The following HSBP1 variants were observed in gnomAD, a reference collection of about 807,000 sequenced individuals.
The protein encoded by HSBP1 is heat shock factor binding protein 1.
A neutral mutation model predicts 9.6 loss-of-function variants in HSBP1; 5 were observed. That is an observed-to-expected ratio of 0.52 (90% confidence interval 0.27 to 1.09). The LOEUF (loss-of-function observed/expected upper bound fraction) is 1.09. HSBP1 is among the 50% of genes least tolerant of loss of function. The pLI is 0.11. For synonymous variants in HSBP1, 42 were observed against 33.3 expected (o/e 1.26, Z -0.90); for missense variants, 121 against 96.3 (o/e 1.26, Z -1.07).
chr16:83,808,989 T>C (rs1904532170), intron 2 of HSBP1: 1 of 558,414 alleles, frequency 1.8e-6, no homozygotes, highest in Non-Finnish European at 3.2e-6. Context: ...GACCATGCAC[T>C]GTGAACTAAG....
Position 83,816,404 on chromosome 16 carries a change from A to C in HSBP1, c.*4986A>C, listed in dbSNP as rs767581842. 6.6e-6 allele frequency: 1 copy of C among 152,162 alleles called. No homozygotes were observed. The highest frequency in any genetic ancestry group is 2.4e-5 in the African/African-American group (1 of 41,422). 9.4% of individuals were successfully genotyped at this position (152,162 alleles called of 1,614,324 possible). A position where few individuals can be genotyped will look rare whatever the true frequency, so the allele number is the denominator to read the frequency against. The stretch of plus-strand genomic sequence containing the variant: ...AACAGAGCGAGACTCCATCTCAAAA[A>C]ATAAAAAACAAAAAAATAAATAAAA... On this transcript the variant is annotated 3_prime_UTR_variant, in exon 4 of 4. Coordinates refer to ENST00000433866, the MANE Select transcript of HSBP1 (RefSeq NM_001537.4).
Position 83,817,000 on chromosome 16 carries a change from G to A in HSBP1, c.*5582G>A, listed in dbSNP as rs1904735782. 6.6e-6 allele frequency: 1 copy of A among 151,874 alleles called. No individual in the cohort carries two copies. The highest frequency in any genetic ancestry group is 1.9e-4 in the East Asian group (1 of 5,202). 9.4% of individuals were successfully genotyped at this position (151,874 alleles called of 1,614,324 possible). ...GGAGATGGTTAAATCGGAATTAGCT[G>A]ACTGTCAACCTTGGTGGCACATTAG... On this transcript the variant is annotated 3_prime_UTR_variant, in exon 4 of 4. Coordinates refer to ENST00000433866, the MANE Select transcript of HSBP1 (RefSeq NM_001537.4).
At position 83,808,704 on chromosome 16, in the gene HSBP1, C is replaced by T. The variant is rs1290708895; in HGVS notation, c.70C>T (p.Gln24Ter). The T allele has an allele frequency of 8.7e-6, 14 of 1,612,636 alleles. No individual in the cohort carries two copies. In the Admixed American group the frequency reaches 2.2e-4, roughly 25 times the overall value. The change falls in exon 2 of 4, where the codon CAA becomes TAA. Residue 24 changes from glutamine to a stop codon, truncating the protein, a stop_gained. Coordinates refer to ENST00000433866, the MANE Select transcript of HSBP1 (RefSeq NM_001537.4). LOFTEE classifies it high-confidence loss of function. ...GGTGCAGACACTCCTGCAGCAGATGCAAGATAAATTTCAGACCATGTCTGA... is the reference window on the plus strand; with the variant it reads ...GGTGCAGACACTCCTGCAGCAGATGTAAGATAAATTTCAGACCATGTCTGA... ...SVVQTLLQQM[Q>*]DKFQTMSDQI...
In HSBP1 at chr16:83,816,052, T is replaced by A. The variant is rs1476226542; in HGVS notation, c.*4634T>A. Reference sequence around the variant, plus strand: ...ATGTATTATTTCACATGGCAAGAAGTCCCAAGGGAGGGCAGCTCTGGGGCG... The same window carrying A: ...ATGTATTATTTCACATGGCAAGAAGACCCAAGGGAGGGCAGCTCTGGGGCG... On this transcript the variant is annotated 3_prime_UTR_variant, in exon 4 of 4. Transcript: ENST00000433866. 6.6e-6 allele frequency: 1 copy of A among 152,106 alleles called. No individual in the cohort carries two copies. Among genetic ancestry groups the A allele is most frequent in the Non-Finnish European group, 1.5e-5 (1 of 68,018 alleles). The allele number at this position is 152,106 out of a possible 1,614,324, so 9.4% of individuals were successfully genotyped here.
At position 83,819,212 on chromosome 16, in the gene HSBP1, T is replaced by G. The variant is rs1304739115; in HGVS notation, c.*7794T>G. ...GCATGCAGGTCCCCAGGCCCCCTTTTTGTAGATCCTGATTCAGAATATCTG... is the reference window on the plus strand; with the variant it reads ...GCATGCAGGTCCCCAGGCCCCCTTTGTGTAGATCCTGATTCAGAATATCTG... On this transcript the variant is annotated 3_prime_UTR_variant, in exon 4 of 4. Coordinates refer to ENST00000433866, the MANE Select transcript of HSBP1 (RefSeq NM_001537.4). The G allele has an allele frequency of 6.6e-6, 1 of 152,116 alleles. No individual in the cohort carries two copies. Among genetic ancestry groups the G allele is most frequent in the Non-Finnish European group, 1.5e-5 (1 of 68,020 alleles). 9.4% of individuals were successfully genotyped at this position (152,116 alleles called of 1,614,324 possible).
Position 83,815,569 on chromosome 16 carries a change from T to A in HSBP1, c.*4151T>A, listed in dbSNP as rs1211847562. The A allele has an allele frequency of 6.6e-6, 1 of 150,794 alleles. No individual in the cohort carries two copies. The highest frequency in any genetic ancestry group is 6.6e-5 in the Admixed American group (1 of 15,172). The allele number at this position is 150,794 out of a possible 1,614,324, so 9.3% of individuals were successfully genotyped here. ...TGGTCCTCACACCTGAGGCTCTCAC[T>A]AAGAGGTGGCTGGAAGCTCCTCAGA... On this transcript the variant is annotated 3_prime_UTR_variant, in exon 4 of 4. Coordinates refer to ENST00000433866, the MANE Select transcript of HSBP1 (RefSeq NM_001537.4).
intron 3 of HSBP1, among the ~76,000 whole-genome samples, chr16:83,810,521 C>CAAAAAAAAAAAAAA (rs751338141): frequency 1.9e-5 from 1 of 51,610 alleles, no homozygotes; most frequent in Non-Finnish European, 3.2e-5. Context: ...GACTCTGTCT[C>CAAAAAAAAAAAAAA]AAAAAAAAAA....
In HSBP1 at chr16:83,818,195, C is replaced by T. The variant is rs930174422; in HGVS notation, c.*6777C>T. ...TCTGGAAGGTTGATTATATCAGATG[C>T]GCATTTTGCCAGCATCCTCAGAAGG... On this transcript the variant is annotated 3_prime_UTR_variant, in exon 4 of 4. Coordinates refer to ENST00000433866, the MANE Select transcript of HSBP1 (RefSeq NM_001537.4). 1.3e-5 allele frequency: 2 copies of T among 152,136 alleles called. No individual in the cohort carries two copies. The highest frequency in any genetic ancestry group is 2.9e-5 in the Non-Finnish European group (2 of 68,030). 9.4% of individuals were successfully genotyped at this position (152,136 alleles called of 1,614,324 possible). A position where few individuals can be genotyped will look rare whatever the true frequency, so the allele number is the denominator to read the frequency against.
chr16:83,808,033 A>T lies in HSBP1; in HGVS notation c.-44A>T. On this transcript the variant is annotated 5_prime_UTR_variant, in exon 1 of 4. Coordinates refer to ENST00000433866, the MANE Select transcript of HSBP1 (RefSeq NM_001537.4). ...CGACTGAGCGGACAAACGGAAGTGTAGGTTACGGTCTGAGACATCACCGCC... is the reference window on the plus strand; with the variant it reads ...CGACTGAGCGGACAAACGGAAGTGTTGGTTACGGTCTGAGACATCACCGCC... The T allele has an allele frequency of 6.7e-7, 1 of 1,491,468 alleles. No homozygotes were observed. The highest frequency in any genetic ancestry group is 2.8e-5 in the East Asian group (1 of 36,036). 92.4% of individuals were successfully genotyped at this position (1,491,468 alleles called of 1,614,324 possible).
In HSBP1 at chr16:83,812,970, A is replaced by T. The variant is rs550613491; in HGVS notation, c.*1552A>T. 1 of 152,382 alleles carries T rather than the reference A, an allele frequency of 6.6e-6. No individual in the cohort carries two copies. Among genetic ancestry groups the T allele is most frequent in the East Asian group, 1.9e-4 (1 of 5,190 alleles). The allele number at this position is 152,382 out of a possible 1,614,324, so 9.4% of individuals were successfully genotyped here. A position where few individuals can be genotyped will look rare whatever the true frequency, so the allele number is the denominator to read the frequency against. On this transcript the variant is annotated 3_prime_UTR_variant, in exon 4 of 4. Coordinates refer to ENST00000433866, the MANE Select transcript of HSBP1 (RefSeq NM_001537.4). ...CCCTGACCAAAAATATCTGCCATGA[A>T]TAAAGGTGCCTGAAATCCTGCTATG...
intron 3 of HSBP1, 39 bp downstream of exon 3, chr16:83,809,464 T>TTTC: frequency 8.7e-6 from 1 of 115,558 alleles, no homozygotes; most frequent in Non-Finnish European, 1.4e-5. Context: ...TTTCTTTTCT[T>TTTC]TTTTTTTTTT....
Position 83,808,020 on chromosome 16 carries a change from C to G in HSBP1, c.-57C>G, listed in dbSNP as rs1296190930. On this transcript the variant is annotated 5_prime_UTR_variant, in exon 1 of 4. Coordinates refer to ENST00000433866, the MANE Select transcript of HSBP1 (RefSeq NM_001537.4). ...CAGCGGCCCGGGGCGACTGAGCGGA[C>G]AAACGGAAGTGTAGGTTACGGTCTG... 4 of 1,453,822 alleles carry G rather than the reference C, an allele frequency of 2.8e-6. No individual in the cohort carries two copies. Among genetic ancestry groups the G allele is most frequent in the East Asian group, 5.7e-5 (2 of 35,390 alleles). 90.1% of individuals were successfully genotyped at this position (1,453,822 alleles called of 1,614,324 possible).
At chr16:83,809,843 T>C (rs1904560212) in intron 3 of HSBP1, among the ~76,000 whole-genome samples, 1 of 152,158 alleles carries the variant, frequency 6.6e-6, no homozygotes, top group South Asian at 2.1e-4. Context: ...ATTCTGTAGA[T>C]CAGTTCCCAG....
intron 3 of HSBP1, 33 bp from the exon 4 acceptor site, chr16:83,811,388 A>G (rs1263263701): frequency 1.3e-5 from 2 of 152,258 alleles, no homozygotes; most frequent in Non-Finnish European, 2.9e-5. Context: ...CATATAATGA[A>G]AAACATGTTG....
intron 1 of HSBP1, 191 bp downstream of exon 1, chr16:83,808,312 C>T (rs1042070668): frequency 7.0e-6 from 4 of 572,602 alleles, no homozygotes; most frequent in African/African-American, 4.0e-5. Flanking sequence ...AGTCTCCCCG[C>T]GGGCGCCCCC....
At chr16:83,809,237 T>A (rs1192715625) in intron 2 of HSBP1, 68 bp from the exon 3 acceptor site, 2 of 972,216 alleles carry the variant, frequency 2.1e-6, no homozygotes, top group Admixed American at 4.2e-5. Context: ...TTTAAGGCTG[T>A]AGTCTGCAGG....
rs1904647761 is a variant in HSBP1 at position 83,813,458 on chromosome 16, C to G, written c.*2040C>G. 1 of 152,452 alleles carries G rather than the reference C, an allele frequency of 6.6e-6. No individual in the cohort carries two copies. Among genetic ancestry groups the G allele is most frequent in the Non-Finnish European group, 1.5e-5 (1 of 68,326 alleles). 9.4% of individuals were successfully genotyped at this position (152,452 alleles called of 1,614,324 possible). A position where few individuals can be genotyped will look rare whatever the true frequency, so the allele number is the denominator to read the frequency against. On this transcript the variant is annotated 3_prime_UTR_variant, in exon 4 of 4. Coordinates refer to ENST00000433866, the MANE Select transcript of HSBP1 (RefSeq NM_001537.4). Reference sequence around the variant, plus strand: ...CTGAAGCTCCTGGGCTCAGGCAGTCCTCCTGCCTCAGCCTCCCAAGTAGCT... The same window carrying G: ...CTGAAGCTCCTGGGCTCAGGCAGTCGTCCTGCCTCAGCCTCCCAAGTAGCT...
At position 83,815,718 on chromosome 16, in the gene HSBP1, T is replaced by C. The variant is rs1040413223; in HGVS notation, c.*4300T>C. On this transcript the variant is annotated 3_prime_UTR_variant, in exon 4 of 4. Coordinates refer to ENST00000433866, the MANE Select transcript of HSBP1 (RefSeq NM_001537.4). ...CAGAGCTTCATTTTACCAAAGCATA[T>C]GTAGACACCACATACATGAACTACA... The C allele has an allele frequency of 1.3e-5, 2 of 152,142 alleles. No individual in the cohort carries two copies. The highest frequency in any genetic ancestry group is 4.8e-5 in the African/African-American group (2 of 41,436). 9.4% of individuals were successfully genotyped at this position (152,142 alleles called of 1,614,324 possible). A position where few individuals can be genotyped will look rare whatever the true frequency, so the allele number is the denominator to read the frequency against.
Position 83,813,222 on chromosome 16 carries a change from C to T in HSBP1, c.*1804C>T, listed in dbSNP as rs555528907. The T allele has an allele frequency of 5.9e-5, 9 of 152,286 alleles. No homozygotes were observed. Among genetic ancestry groups the T allele is most frequent in the Non-Finnish European group, 1.3e-4 (9 of 68,100 alleles). 9.4% of individuals were successfully genotyped at this position (152,286 alleles called of 1,614,324 possible). A position where few individuals can be genotyped will look rare whatever the true frequency, so the allele number is the denominator to read the frequency against. On this transcript the variant is annotated 3_prime_UTR_variant, in exon 4 of 4. Coordinates refer to ENST00000433866, the MANE Select transcript of HSBP1 (RefSeq NM_001537.4). Reference sequence around the variant, plus strand: ...ACTTGTCTCAGGTGTGTTCCCAGAACTCTTGCCCCTGGAGATGCTGCAGGA... The same window carrying T: ...ACTTGTCTCAGGTGTGTTCCCAGAATTCTTGCCCCTGGAGATGCTGCAGGA...
Sources: gnomAD v4.1 joint callset for allele counts (sites outside exome capture counted in the v4.1 genomes callset) on GRCh38, gnomAD v4.1.1 for gene constraint, MANE v1.5 for transcripts, NCBI Gene and HGNC (gene_info 2026-07-23, HGNC 2026-07-21) for gene names.